The following NDRG1 variants were observed in gnomAD, a reference collection of about 807,000 sequenced individuals.
NDRG1 encodes protein NDRG1.
Under a neutral mutation model 56.9 loss-of-function variants are expected in NDRG1, and 32 were observed. The observed-to-expected ratio is 0.56, with a 90% CI of 0.42 to 0.76. NDRG1 has a LOEUF of 0.76. NDRG1 is among the 30% of genes least tolerant of loss of function. The probability of loss-of-function intolerance (pLI) is 0.00; values close to 1 mark genes in which losing one functional copy is unlikely to be tolerated. For synonymous variants in NDRG1, 211 were observed against 204.1 expected, an observed-to-expected ratio of 1.03 and a Z score of -0.29; for missense variants, 507 against 545.7, an observed-to-expected ratio of 0.93 and a Z score of 0.71.
At chr8:133,275,055 C>T (rs2929998) in intron 3 of NDRG1, among the ~76,000 whole-genome samples, 101,196 of 151,998 alleles carry the variant, frequency 0.67, 35,621 homozygotes, top group East Asian at 1. Context: ...CGGGCTGATA[C>T]GCCCTGTAGG....
rs760549090 is a variant in NDRG1 at position 133,262,164 on chromosome 8, T to C, written c.209A>G (p.Lys70Arg). Residue 70 changes from lysine to arginine, a missense_variant, in exon 5 of 16, where the codon AAA becomes AGA. Coordinates refer to ENST00000323851, the MANE Select transcript of NDRG1 (RefSeq NM_006096.4). ...LTYHDIGMNH[K>R]TCYNPLFNYE... ...GTTGAAGAGGGGGTTGTAGCAGGTTTTGTCTGAAGAACAGCAGTGAGGGAG... is the reference window on the plus strand; with the variant it reads ...GTTGAAGAGGGGGTTGTAGCAGGTTCTGTCTGAAGAACAGCAGTGAGGGAG... The C allele has an allele frequency of 1.2e-6, 2 of 1,613,710 alleles. No homozygotes were observed. The highest frequency in any genetic ancestry group is 1.1e-5 in the South Asian group (1 of 91,072).
intron 13 of NDRG1, 34 bp downstream of exon 13, chr8:133,246,582 T>C (rs367862297): frequency 1.9e-6 from 3 of 1,612,184 alleles, no homozygotes; most frequent in Admixed American, 1.7e-5. Context: ...TTCTAAGAAA[T>C]AACAAACACG....
At chr8:133,242,909 TA>T (rs954755471) in intron 14 of NDRG1, among the ~76,000 whole-genome samples, 6 of 152,162 alleles carry the variant, frequency 3.9e-5, no homozygotes, top group African/African-American at 1.4e-4. Flanking sequence ...ACCAATTAAT[TA>T]ACAACTAACT....
At chr8:133,258,690 T>C (rs867322118) in intron 6 of NDRG1, among the ~76,000 whole-genome samples, 3 of 152,230 alleles carry the variant, frequency 2.0e-5, no homozygotes, top group Non-Finnish European at 4.4e-5. Context: ...GGAAGGCCCG[T>C]TACGGCATCA....
At chr8:133,241,965 G>A in intron 15 of NDRG1, 58 bp downstream of exon 15, 5 of 1,593,108 alleles carry the variant, frequency 3.1e-6, no homozygotes, top group East Asian at 2.2e-5. Flanking sequence ...TCAGGACAGA[G>A]CACTTCCAAT....
intron 3 of NDRG1, among the ~76,000 whole-genome samples, chr8:133,269,917 C>T (rs1857108569): frequency 6.6e-6 from 1 of 152,266 alleles, no homozygotes; most frequent in Admixed American, 6.5e-5. Context: ...CCCCAAACTG[C>T]ACGCATGTGT....
chr8:133,255,858 C>T (rs767561643), intron 8 of NDRG1: 2 of 155,082 alleles, frequency 1.3e-5, no homozygotes, highest in Non-Finnish European at 2.9e-5. Flanking sequence ...AATGACCTCC[C>T]CCTCTCCTTG....
chr8:133,250,986 T>C lies in NDRG1; in HGVS notation c.595-443A>G, dbSNP rs2130700560. On this transcript the variant is annotated intron_variant, in intron 9 of 15. Coordinates refer to ENST00000323851, the MANE Select transcript of NDRG1 (RefSeq NM_006096.4). Reference sequence around the variant, plus strand: ...GTTGTAGGACTTAATGGAGGTTGTGTTCTCACCTCTACTAACAGTAAAAAT... The same window carrying C: ...GTTGTAGGACTTAATGGAGGTTGTGCTCTCACCTCTACTAACAGTAAAAAT... 2.6e-5 allele frequency among the ~76,000 whole-genome samples: 4 copies of C among 152,048 alleles called. 1 individual carries two copies. In the Middle Eastern group the frequency reaches 0.014, roughly 521 times the overall value.
chr8:133,250,287 C>T (rs1855940563), intron 10 of NDRG1, among the ~76,000 whole-genome samples, 153 bp downstream of exon 10: 1 of 152,122 alleles, frequency 6.6e-6, no homozygotes, highest in South Asian at 2.1e-4. Flanking sequence ...AGGTGTCCTT[C>T]CTGGGGACAC....
Position 133,237,292 on chromosome 8 carries a change from C to A in NDRG1, c.*1586G>T, listed in dbSNP as rs947903174. The A allele has an allele frequency of 2.6e-5, 6 of 231,510 alleles. No homozygotes were observed. Among genetic ancestry groups the A allele is most frequent in the Non-Finnish European group, 4.3e-5 (5 of 117,054 alleles). 14.3% of individuals were successfully genotyped at this position (231,510 alleles called of 1,614,324 possible). On this transcript the variant is annotated 3_prime_UTR_variant, in exon 16 of 16. Coordinates refer to ENST00000323851, the MANE Select transcript of NDRG1 (RefSeq NM_006096.4). ...CGTACTCAGCCTCTCTTGCCCCGAT[C>A]CCCGACTTTTCTACTCAAGGCCAGG... is the stretch of plus-strand genomic sequence containing the variant.
chr8:133,259,080 G>T, intron 6 of NDRG1, 88 bp downstream of exon 6: 1 of 1,385,310 alleles, frequency 7.2e-7, no homozygotes, highest in Non-Finnish European at 1.0e-6. Flanking sequence ...AATTTTAGTG[G>T]TCAGTCCAGA....
At chr8:133,287,058 T>C (rs141476276) in intron 1 of NDRG1, among the ~76,000 whole-genome samples, 1 of 152,306 alleles carries the variant, frequency 6.6e-6, no homozygotes, top group Non-Finnish European at 1.5e-5. Context: ...GTTGGGCCCA[T>C]CAAGCAGCCC....
intron 8 of NDRG1, chr8:133,255,643 C>T (rs3808599): frequency 4.8e-5 from 15 of 309,728 alleles, no homozygotes; most frequent in African/African-American, 2.4e-4. Flanking sequence ...ACAGGCTGGA[C>T]GGAAGGGCTC....
At chr8:133,264,316 A>G (rs908650336) in intron 4 of NDRG1, among the ~76,000 whole-genome samples, 5 of 152,230 alleles carry the variant, frequency 3.3e-5, no homozygotes, top group African/African-American at 1.2e-4. Context: ...CACAGATAGC[A>G]AACAGCTTCC....
intron 13 of NDRG1, among the ~76,000 whole-genome samples, chr8:133,245,443 C>T (rs1030384557): frequency 1.3e-4 from 20 of 152,098 alleles, no homozygotes; most frequent in East Asian, 7.7e-4. Context: ...TGGATTAGAG[C>T]GGGCCCTAAA....
intron 1 of NDRG1, among the ~76,000 whole-genome samples, chr8:133,294,661 T>C (rs891753164): frequency 1.5e-5 from 2 of 129,636 alleles, no homozygotes; most frequent in East Asian, 3.9e-4. Context: ...TTGAGATCTG[T>C]CTTCTGTCAT....
chr8:133,273,541 C>T (rs923079566), intron 3 of NDRG1, among the ~76,000 whole-genome samples: 1 of 152,190 alleles, frequency 6.6e-6, no homozygotes, highest in Non-Finnish European at 1.5e-5. Context: ...ATCACATGAG[C>T]GGATGCAGGA....
At chr8:133,262,477 T>G (rs570868394) in intron 4 of NDRG1, among the ~76,000 whole-genome samples, 1 of 152,066 alleles carries the variant, frequency 6.6e-6, no homozygotes, top group Non-Finnish European at 1.5e-5. Context: ...AGGGTCAGGA[T>G]GGCCCTGGCA....
intron 3 of NDRG1, among the ~76,000 whole-genome samples, chr8:133,276,555 G>A (rs1289813073): frequency 5.3e-5 from 8 of 152,164 alleles, no homozygotes; most frequent in African/African-American, 1.7e-4. Flanking sequence ...TGCTGTTCTC[G>A]TGATAGTGAA....
Sources: gnomAD v4.1 joint callset for allele counts (sites outside exome capture counted in the v4.1 genomes callset) on GRCh38, gnomAD v4.1.1 for gene constraint, MANE v1.5 for transcripts, NCBI Gene and HGNC (gene_info 2026-07-23, HGNC 2026-07-21) for gene names.